The following DLGAP2 variants were observed in gnomAD, a reference collection of about 807,000 sequenced individuals.
The protein encoded by DLGAP2 is DLG associated protein 2.
Under a neutral mutation model 100.3 loss-of-function variants are expected in DLGAP2, and 26 were observed. The observed-to-expected ratio is 0.26, with a 90% CI of 0.19 to 0.36. DLGAP2 has a LOEUF of 0.36. DLGAP2 is among the 10% of genes least tolerant of loss of function. DLGAP2 has a pLI of 1.00. For missense variants in DLGAP2, 1,858 were observed against 1,453.2 expected (o/e 1.28, Z -4.53); for synonymous variants, 886 against 630.1 (o/e 1.41, Z -6.08).
chr8:1,098,662 ACGCCAGG>A (rs1181481869), intron 2 of DLGAP2, among the ~76,000 whole-genome samples: 85 of 100,862 alleles, frequency 8.4e-4, no homozygotes, highest in Admixed American at 1.6e-3. Flanking sequence ...GCCGCCACCC[ACGCCAGG>A]CTCCCGGCCG....
intron 2 of DLGAP2, among the ~76,000 whole-genome samples, chr8:1,219,757 G>C (rs554515451): frequency 5.3e-5 from 8 of 151,966 alleles, no homozygotes; most frequent in African/African-American, 1.9e-4. Flanking sequence ...GCTTTTTCTT[G>C]TTGGTAGCTT....
chr8:1,323,418 C>A (rs1278780587), intron 3 of DLGAP2, among the ~76,000 whole-genome samples: 1 of 152,238 alleles, frequency 6.6e-6, no homozygotes, highest in African/African-American at 2.4e-5. Flanking sequence ...GGCTTTGAGT[C>A]TGGGTGGCCC....
At chr8:973,147 G>A (rs1800061315) in intron 2 of DLGAP2, among the ~76,000 whole-genome samples, 3 of 152,226 alleles carry the variant, frequency 2.0e-5, no homozygotes, top group Admixed American at 1.3e-4. Flanking sequence ...CTCCCAGATG[G>A]GGTGGCGGCA....
chr8:1,481,393 C>G (rs371863399), intron 3 of DLGAP2, among the ~76,000 whole-genome samples: 7 of 151,280 alleles, frequency 4.6e-5, no homozygotes, highest in African/African-American at 9.7e-5. Flanking sequence ...AATGGCAAAG[C>G]CTTTTCCAGA....
chr8:1,229,616 A>C (rs529197763), intron 2 of DLGAP2, among the ~76,000 whole-genome samples: 12 of 152,218 alleles, frequency 7.9e-5, no homozygotes, highest in African/African-American at 1.2e-4. Flanking sequence ...ACAGATGCAA[A>C]CATTCTTAAC....
chr8:1,449,145 C>G (rs761751446), intron 3 of DLGAP2, among the ~76,000 whole-genome samples: 32 of 152,180 alleles, frequency 2.1e-4, no homozygotes, highest in Non-Finnish European at 3.7e-4. Context: ...TCTCATCTTC[C>G]CCTGATGGGG....
chr8:1,585,334 C>T (rs1796083037), intron 6 of DLGAP2, among the ~76,000 whole-genome samples: 1 of 150,216 alleles, frequency 6.7e-6, no homozygotes, highest in Non-Finnish European at 1.5e-5. Flanking sequence ...CATTTTGGCC[C>T]GTGCCTGTAA....
intron 3 of DLGAP2, among the ~76,000 whole-genome samples, chr8:1,321,987 G>A (rs1476344): frequency 0.15 from 22,708 of 152,086 alleles, 2,000 homozygotes; most frequent in Admixed American, 0.26. Context: ...GCCCTGAAGC[G>A]TGCTTAAATT....
chr8:1,578,176 A>C (rs1221513758), intron 6 of DLGAP2, among the ~76,000 whole-genome samples: 1 of 152,206 alleles, frequency 6.6e-6, no homozygotes, highest in Non-Finnish European at 1.5e-5. Flanking sequence ...TACGTTTCCA[A>C]GTGATTCAAA....
chr8:1,340,530 G>A (rs1801394700), intron 3 of DLGAP2, among the ~76,000 whole-genome samples: 3 of 152,214 alleles, frequency 2.0e-5, no homozygotes, highest in Admixed American at 6.5e-5. Context: ...ACCATGAGAT[G>A]CCGTCTCACA....
At chr8:1,344,109 ATGT>A (rs1801486556) in intron 3 of DLGAP2, among the ~76,000 whole-genome samples, 5 of 26,854 alleles carry the variant, frequency 1.9e-4, no homozygotes, top group East Asian at 8.1e-3. Context: ...TCGTGGGTCC[ATGT>A]ATTCGGGGCC....
chr8:1,527,400 C>T (rs1393783188), intron 4 of DLGAP2, among the ~76,000 whole-genome samples: 3 of 152,224 alleles, frequency 2.0e-5, no homozygotes, highest in Non-Finnish European at 2.9e-5. Context: ...CCGCTTCTCA[C>T]GTGCAGGACA....
chr8:1,205,537 G>T (rs1585150972), intron 2 of DLGAP2, among the ~76,000 whole-genome samples: 1 of 152,302 alleles, frequency 6.6e-6, no homozygotes, highest in Admixed American at 6.5e-5. Context: ...CAGATGGCTG[G>T]TGGCGTCTGC....
chr8:1,157,153 C>T (rs554675856), intron 2 of DLGAP2, among the ~76,000 whole-genome samples: 2 of 152,200 alleles, frequency 1.3e-5, no homozygotes, highest in South Asian at 2.1e-4. Flanking sequence ...CTGGTGACCG[C>T]GGGGAAAAGT....
chr8:1,574,381 C>G (rs926751693), intron 6 of DLGAP2, among the ~76,000 whole-genome samples: 1 of 152,126 alleles, frequency 6.6e-6, no homozygotes, highest in African/African-American at 2.4e-5. Context: ...GTGCTGAAGC[C>G]AACACCATGA....
chr8:1,537,983 C>CG lies in DLGAP2; in HGVS notation c.173-10637dup, dbSNP rs376040528. Among the ~76,000 whole-genome samples the CG allele has an allele frequency of 6.6e-4, 100 of 152,140 alleles. 1 individual carries two copies. Among genetic ancestry groups the CG allele is most frequent in the African/African-American group, 2.2e-3 (92 of 41,506 alleles). On this transcript the variant is annotated intron_variant, in intron 4 of 14. Coordinates refer to ENST00000637795, the MANE Select transcript of DLGAP2 (RefSeq NM_001346810.2). The stretch of plus-strand genomic sequence containing the variant: ...GGAGGTGAATCAGAGGAAGATACTG[C>CG]GGGGGGAACAGAGAGCTGCTGTCCA...
At chr8:753,193 A>T (rs896480222) in intron 1 of DLGAP2, among the ~76,000 whole-genome samples, 4 of 152,008 alleles carry the variant, frequency 2.6e-5, no homozygotes, top group African/African-American at 9.7e-5. Flanking sequence ...GTTGCTGCGG[A>T]CCCCGTCACT....
chr8:1,422,357 C>G (rs548294041), intron 3 of DLGAP2, among the ~76,000 whole-genome samples: 2 of 152,144 alleles, frequency 1.3e-5, no homozygotes, highest in African/African-American at 4.8e-5. Context: ...TTTCCGTCCA[C>G]TGCAAGCGAA....
At chr8:994,297 T>A (rs1485672850) in intron 2 of DLGAP2, among the ~76,000 whole-genome samples, 1 of 152,150 alleles carries the variant, frequency 6.6e-6, no homozygotes, top group Non-Finnish European at 1.5e-5. Flanking sequence ...ACCTCCCAGA[T>A]TCAAGCGATT....
Sources: allele counts gnomAD v4.1 joint callset (sites outside exome capture counted in the v4.1 genomes callset), GRCh38; gene constraint gnomAD v4.1.1; transcripts MANE v1.5; gene names NCBI Gene and HGNC (gene_info 2026-07-23, HGNC 2026-07-21).